The following KCTD8 variants were observed in gnomAD, a reference collection of about 807,000 sequenced individuals.
KCTD8 encodes BTB/POZ domain-containing protein KCTD8.
In KCTD8, 27 loss-of-function variants were observed where a neutral mutation model predicts 31.5. That is an observed-to-expected ratio of 0.86 (90% CI 0.63 to 1.18). KCTD8 has a LOEUF of 1.18. Among genes scored for constraint, KCTD8 ranks in the 50% most tolerant of loss-of-function variants. The pLI, the probability that KCTD8 is intolerant of heterozygous loss-of-function variation, is 0.00. For missense variants in KCTD8, 658 were observed against 647.7 expected (o/e 1.02, Z -0.17); for synonymous variants, 290 against 280.0 (o/e 1.04, Z -0.36).
chr4:44,206,270 A>G (rs1474828666), intron 1 of KCTD8, among the ~76,000 whole-genome samples: 3 of 152,150 alleles, frequency 2.0e-5, no homozygotes, highest in Non-Finnish European at 2.9e-5. Context: ...AGAAACAATT[A>G]CACGGTAACC....
intron 1 of KCTD8, among the ~76,000 whole-genome samples, chr4:44,301,277 C>A (rs1396613950): frequency 6.6e-6 from 1 of 152,134 alleles, no homozygotes; most frequent in African/African-American, 2.4e-5. Flanking sequence ...TTTTAGATCC[C>A]TGAGGAATCG....
chr4:44,338,460 A>G (rs1718812600), intron 1 of KCTD8, among the ~76,000 whole-genome samples: 1 of 152,176 alleles, frequency 6.6e-6, no homozygotes, highest in African/African-American at 2.4e-5. Context: ...AATCACCTAG[A>G]TGCATGACAA....
chr4:44,270,455 T>C (rs1215166677), intron 1 of KCTD8, among the ~76,000 whole-genome samples: 1 of 150,842 alleles, frequency 6.6e-6, no homozygotes, highest in Non-Finnish European at 1.5e-5. Flanking sequence ...GATGAGTTAA[T>C]GGGTGCAGCA....
chr4:44,314,912 T>A (rs1316292349), intron 1 of KCTD8, among the ~76,000 whole-genome samples: 2 of 150,798 alleles, frequency 1.3e-5, no homozygotes, highest in Non-Finnish European at 1.5e-5. Flanking sequence ...AAACTTATAC[T>A]CCTCCTCCTC....
intron 1 of KCTD8, among the ~76,000 whole-genome samples, chr4:44,350,090 A>T (rs1381413234): frequency 6.6e-6 from 1 of 152,174 alleles, no homozygotes; most frequent in Non-Finnish European, 1.5e-5. Context: ...AGATAACATT[A>T]GGGCAAAAAA....
At chr4:44,311,370 G>T (rs1368552382) in intron 1 of KCTD8, among the ~76,000 whole-genome samples, 1 of 151,928 alleles carries the variant, frequency 6.6e-6, no homozygotes, top group African/African-American at 2.4e-5. Flanking sequence ...CACCACAAAT[G>T]TAGATAATTT....
Position 44,186,769 on chromosome 4 carries a change from T to G in KCTD8, c.962-11519A>C, listed in dbSNP as rs1189550263. ...TCATAGTCACTTATGGGATAGAGAG[T>G]TTTTCCTTTTCGTCTTGGTATTTCC... is the stretch of plus-strand genomic sequence containing the variant. On this transcript the variant is annotated intron_variant, in intron 1 of 1. Transcript: ENST00000360029. Among the ~76,000 whole-genome samples, 10 of 152,016 alleles carry G rather than the reference T, an allele frequency of 6.6e-5. No individual in the cohort carries two copies. The East Asian group carries it at 1.7e-3, about 27-fold the overall frequency.
In KCTD8 at chr4:44,447,922, G is replaced by GCGCCGCCGC. The variant is rs750799162; in HGVS notation, c.593_601dup (p.Gly198_Gly200dup). 2.1e-6 allele frequency: 3 copies of GCGCCGCCGC among 1,434,764 alleles called. No homozygotes were observed. Among genetic ancestry groups the GCGCCGCCGC allele is most frequent in the South Asian group, 3.1e-5 (2 of 65,032 alleles). 88.9% of individuals were successfully genotyped at this position (1,434,764 alleles called of 1,614,324 possible). ...GAGGAAGCCCGAGCGCTTGTCCTGC[G>GCGCCGCCGC]CGCCGCCGCCGCCGCCACCACCGTG... On this transcript the variant is annotated inframe_insertion, in exon 1 of 2. Coordinates refer to ENST00000360029, the MANE Select transcript of KCTD8 (RefSeq NM_198353.3).
At chr4:44,382,997 T>G (rs1173499174) in intron 1 of KCTD8, among the ~76,000 whole-genome samples, 1 of 148,182 alleles carries the variant, frequency 6.7e-6, no homozygotes, top group African/African-American at 2.5e-5. Context: ...TCAGTAATGT[T>G]TCTATACACC....
chr4:44,264,958 G>A (rs950042306), intron 1 of KCTD8, among the ~76,000 whole-genome samples: 16 of 152,198 alleles, frequency 1.1e-4, no homozygotes, highest in Non-Finnish European at 2.2e-4. Flanking sequence ...CACCTCTGGG[G>A]GCAGGGCACA....
chr4:44,439,328 T>C lies in KCTD8; in HGVS notation c.961+8235A>G, dbSNP rs113106547. ...CATATTTCTTTATTATATTAGTTTC[T>C]TCCATTTTATTTGCTTTTTTCCCCG... On this transcript the variant is annotated intron_variant, in intron 1 of 1. Coordinates refer to ENST00000360029, the MANE Select transcript of KCTD8 (RefSeq NM_198353.3). Among the ~76,000 whole-genome samples the C allele has an allele frequency of 2.1e-3, 315 of 152,284 alleles. 1 individual carries two copies. Among genetic ancestry groups the C allele is most frequent in the African/African-American group, 6.9e-3 (287 of 41,560 alleles).
At chr4:44,435,695 A>G (rs991023774) in intron 1 of KCTD8, among the ~76,000 whole-genome samples, 1 of 152,080 alleles carries the variant, frequency 6.6e-6, no homozygotes, top group Non-Finnish European at 1.5e-5. Context: ...AGGTATTTCA[A>G]TAAAAATTAC....
intron 1 of KCTD8, among the ~76,000 whole-genome samples, chr4:44,331,318 T>C (rs1718585872): frequency 6.6e-6 from 1 of 151,840 alleles, no homozygotes; most frequent in African/African-American, 2.4e-5. Context: ...CAGGCAGGCA[T>C]ACCCAGTGTT....
intron 1 of KCTD8, among the ~76,000 whole-genome samples, chr4:44,365,644 G>A (rs886151193): frequency 1.3e-5 from 2 of 152,114 alleles, no homozygotes; most frequent in Non-Finnish European, 2.9e-5. Flanking sequence ...GCAACAGTGT[G>A]GGATAGAGGA....
At chr4:44,352,692 G>A (rs1489873650) in intron 1 of KCTD8, among the ~76,000 whole-genome samples, 3 of 151,446 alleles carry the variant, frequency 2.0e-5, no homozygotes, top group Non-Finnish European at 4.4e-5. Context: ...TAATCTAAAG[G>A]TAGATATTCA....
chr4:44,333,450 T>G (rs1468446264), intron 1 of KCTD8, among the ~76,000 whole-genome samples: 2 of 152,138 alleles, frequency 1.3e-5, no homozygotes, highest in African/African-American at 4.8e-5. Flanking sequence ...ACAACCCTCC[T>G]ATGATGCACA....
chr4:44,228,180 T>G (rs528489870), intron 1 of KCTD8, among the ~76,000 whole-genome samples: 1 of 152,166 alleles, frequency 6.6e-6, no homozygotes, highest in Non-Finnish European at 1.5e-5. Flanking sequence ...CAGAAAATTA[T>G]TTTCTCACAA....
intron 1 of KCTD8, among the ~76,000 whole-genome samples, chr4:44,444,653 C>T (rs1721894203): frequency 6.6e-6 from 1 of 152,124 alleles, no homozygotes; most frequent in African/African-American, 2.4e-5. Context: ...TCCTGTAATA[C>T]AGGTGAGGAA....
chr4:44,337,490 A>C (rs2109416369), intron 1 of KCTD8, among the ~76,000 whole-genome samples: 2 of 152,052 alleles, frequency 1.3e-5, no homozygotes, highest in African/African-American at 4.8e-5. Flanking sequence ...CTTGGCCAGT[A>C]TGGTGAAATC....
Sources: allele counts gnomAD v4.1 joint callset (sites outside exome capture counted in the v4.1 genomes callset), GRCh38; gene constraint gnomAD v4.1.1; transcripts MANE v1.5; gene names NCBI Gene and HGNC (gene_info 2026-07-23, HGNC 2026-07-21).